The following ST7 variants were observed in gnomAD, a reference collection of about 807,000 sequenced individuals.
ST7 encodes the protein suppression of tumorigenicity 7.
In ST7, 28 loss-of-function variants were observed where a neutral mutation model predicts 78.7. The ratio of observed to expected loss-of-function variants is 0.36; its 90% CI spans 0.26 to 0.49. The LOEUF is 0.49. Among genes scored for constraint, ST7 ranks in the 20% least tolerant of loss-of-function variants. The pLI is 0.99. For missense variants in ST7, 418 were observed against 696.0 expected (o/e 0.60, Z 4.49); for synonymous variants, 247 against 249.6 (o/e 0.99, Z 0.10).
intron 2 of ST7, among the ~76,000 whole-genome samples, chr7:117,112,998 G>T (rs1281676608): frequency 6.6e-6 from 1 of 152,158 alleles, no homozygotes; most frequent in Admixed American, 6.5e-5. Context: ...TCAGCATTTG[G>T]GTAGAACAGA....
intron 1 of ST7, chr7:116,955,045 G>C (rs1398411954): frequency 2.2e-6 from 1 of 454,538 alleles, no homozygotes; most frequent in Non-Finnish European, 4.5e-6. Flanking sequence ...CATTTGAATA[G>C]GTGCTGCTCA....
chr7:117,015,776 C>A lies in ST7; in HGVS notation c.151+62085C>A, dbSNP rs77202615. 1.4e-3 allele frequency among the ~76,000 whole-genome samples: 211 copies of A among 152,178 alleles called. 6 individuals are homozygous for A. The East Asian group carries it at 0.035, about 25-fold the overall frequency. ...GTGCACCCAATTCAGAATTATATTGCCCTAAATTTGAACTTTTGGGGAATG... is the reference window on the plus strand; with the variant it reads ...GTGCACCCAATTCAGAATTATATTGACCTAAATTTGAACTTTTGGGGAATG... On this transcript the variant is annotated intron_variant, in intron 1 of 15. Transcript: ENST00000323984.
At position 116,980,478 on chromosome 7, in the gene ST7, C is replaced by T. The variant is rs780571806; in HGVS notation, c.151+26787C>T. 2.7e-4 allele frequency among the ~76,000 whole-genome samples: 41 copies of T among 152,220 alleles called. No individual in the cohort carries two copies. In the South Asian group the frequency reaches 4.6e-3, roughly 17 times the overall value. Reference sequence around the variant, plus strand: ...TCACTTTTCCCTCGAGAGTTTTACTCGATGCTTGATGGTGCATCCTGGCTT... The same window carrying T: ...TCACTTTTCCCTCGAGAGTTTTACTTGATGCTTGATGGTGCATCCTGGCTT... On this transcript the variant is annotated intron_variant, in intron 1 of 15. Coordinates refer to ENST00000323984, the MANE Select transcript of ST7 (RefSeq NM_001369598.1).
intron 1 of ST7, among the ~76,000 whole-genome samples, chr7:117,050,928 CAAAA>C (rs11302280): frequency 5.4e-5 from 6 of 112,134 alleles, no homozygotes; most frequent in Admixed American, 8.7e-5. Context: ...GACTACGTCT[CAAAA>C]AAAAAAAAAA....
At chr7:117,050,498 T>C (rs1797726870) in intron 1 of ST7, among the ~76,000 whole-genome samples, 1 of 152,228 alleles carries the variant, frequency 6.6e-6, no homozygotes, top group Non-Finnish European at 1.5e-5. Flanking sequence ...GATGGTGCCA[T>C]GTATGGTCTG....
intron 1 of ST7, among the ~76,000 whole-genome samples, chr7:116,991,483 A>T (rs552381546): frequency 2.0e-5 from 3 of 152,216 alleles, no homozygotes; most frequent in African/African-American, 7.2e-5. Flanking sequence ...AAAAGCAGAA[A>T]CCCCTCATAA....
intron 1 of ST7, among the ~76,000 whole-genome samples, chr7:117,010,342 G>T (rs534828725): frequency 1.3e-5 from 2 of 152,334 alleles, no homozygotes; most frequent in Non-Finnish European, 1.5e-5. Flanking sequence ...AATGGGAGGA[G>T]CTGGGCATAC....
At chr7:117,007,291 AT>A (rs1795197061) in intron 1 of ST7, among the ~76,000 whole-genome samples, 1 of 152,232 alleles carries the variant, frequency 6.6e-6, no homozygotes. Flanking sequence ...TATTGCTTAT[AT>A]GGAGAAAGTT....
chr7:116,957,740 T>C (rs1792583176), intron 1 of ST7, among the ~76,000 whole-genome samples: 1 of 152,246 alleles, frequency 6.6e-6, no homozygotes, highest in South Asian at 2.1e-4. Flanking sequence ...TCTTAAAAAA[T>C]AGTACCATAA....
chr7:117,092,204 G>A (rs544085235), intron 1 of ST7, among the ~76,000 whole-genome samples: 3 of 150,128 alleles, frequency 2.0e-5, no homozygotes, highest in Non-Finnish European at 4.4e-5. Flanking sequence ...GCGTGAACCC[G>A]GGAGGCGGAG....
intron 3 of ST7, among the ~76,000 whole-genome samples, chr7:117,127,450 A>G (rs932350768): frequency 6.6e-6 from 1 of 151,946 alleles, no homozygotes; most frequent in Non-Finnish European, 1.5e-5. Flanking sequence ...TTTAAAGCAC[A>G]ACTTTGACAT....
intron 13 of ST7, among the ~76,000 whole-genome samples, chr7:117,218,134 C>T (rs1792831354): frequency 6.6e-6 from 1 of 152,190 alleles, no homozygotes; most frequent in South Asian, 2.1e-4. Flanking sequence ...TGAAATGTAT[C>T]ATTTAAAACT....
intron 1 of ST7, among the ~76,000 whole-genome samples, chr7:117,012,891 A>G (rs1330204609): frequency 2.0e-5 from 3 of 152,190 alleles, no homozygotes; most frequent in South Asian, 2.1e-4. Flanking sequence ...TCACTTAACT[A>G]TAAGTAGGTT....
At chr7:117,186,666 G>T (rs1242147488) in intron 10 of ST7, among the ~76,000 whole-genome samples, 1 of 152,174 alleles carries the variant, frequency 6.6e-6, no homozygotes, top group Non-Finnish European at 1.5e-5. Context: ...TTTGTGCATA[G>T]AAATGCTTTT....
At chr7:117,112,093 CAT>C (rs1491253587) in intron 2 of ST7, among the ~76,000 whole-genome samples, 92 of 150,514 alleles carry the variant, frequency 6.1e-4, no homozygotes, top group Admixed American at 5.5e-3. Flanking sequence ...CATATATATG[CAT>C]GTGTGTGTGT....
intron 9 of ST7, among the ~76,000 whole-genome samples, chr7:117,159,827 A>G (rs960262532): frequency 6.6e-6 from 1 of 152,150 alleles, no homozygotes; most frequent in East Asian, 1.9e-4. Flanking sequence ...CAGAAGGCGG[A>G]GGTTGCAGTG....
At chr7:117,059,850 A>C in intron 1 of ST7, among the ~76,000 whole-genome samples, 1 of 150,860 alleles carries the variant, frequency 6.6e-6, no homozygotes, top group East Asian at 1.9e-4. Flanking sequence ...ACGTGTGGTA[A>C]TGTGTGCCTG....
chr7:117,223,001 C>A, intron 15 of ST7: 1 of 1,550,668 alleles, frequency 6.4e-7, no homozygotes, highest in Non-Finnish European at 8.9e-7. Context: ...CCTCTTCCCC[C>A]ACCACCAAAA....
intron 3 of ST7, among the ~76,000 whole-genome samples, chr7:117,124,295 C>T (rs2188694): frequency 0.075 from 11,424 of 152,118 alleles, 506 homozygotes; most frequent in Middle Eastern, 0.15. Context: ...GATATTGTCT[C>T]TTGTAATCCT....
Sources: allele counts gnomAD v4.1 joint callset (sites outside exome capture counted in the v4.1 genomes callset), GRCh38; gene constraint gnomAD v4.1.1; transcripts MANE v1.5; gene names NCBI Gene and HGNC (gene_info 2026-07-23, HGNC 2026-07-21).